Variants in EYS observed in about 807,000 individuals in gnomAD.
EYS encodes EGF-like photoreceptor maintenance factor, also known as protein eyes shut homolog.
Under a neutral mutation model 282.1 loss-of-function variants are expected in EYS, and 250 were observed. That is an observed-to-expected ratio of 0.89 (90% CI 0.80 to 0.98). EYS has a LOEUF of 0.98. Ranked by LOEUF, EYS falls within the 50% of genes least tolerant of loss-of-function variation. The probability of loss-of-function intolerance (pLI) is 0.00; values close to 1 mark genes in which losing one functional copy is unlikely to be tolerated. For synonymous variants in EYS, 1,355 were observed against 1,282.9 expected, an observed-to-expected ratio of 1.06 and a Z score of -1.20; for missense variants, 4,016 against 3,709.0, an observed-to-expected ratio of 1.08 and a Z score of -2.15.
intron 2 of EYS, among the ~76,000 whole-genome samples, chr6:65,622,547 C>A (rs1212016423): frequency 1.3e-5 from 2 of 151,798 alleles, no homozygotes; most frequent in African/African-American, 2.4e-5. Flanking sequence ...AAGATCTATA[C>A]AACAGTTTTA....
chr6:64,151,327 A>G (rs867318911), intron 31 of EYS, among the ~76,000 whole-genome samples: 1,103 of 86,230 alleles, frequency 0.013, 19 homozygotes, highest in Non-Finnish European at 0.019. Context: ...TTATATATAT[A>G]TATATATATA....
intron 12 of EYS, among the ~76,000 whole-genome samples, chr6:65,263,932 A>G (rs1767684878): frequency 6.6e-6 from 1 of 152,100 alleles, no homozygotes; most frequent in Non-Finnish European, 1.5e-5. Context: ...ACAAGGAAGT[A>G]GAAAAAAACA....
rs564336649 is a variant in EYS, at chr6:64,594,973, C to T, written c.3685-1664G>A. On this transcript the variant is annotated intron_variant, in intron 24 of 42. Transcript: ENST00000503581. ...TATGAGGCCAGCATTACCCTGACACCAAAACTAGACAAGAACATAAAAAAA... is the reference window on the plus strand; with the variant it reads ...TATGAGGCCAGCATTACCCTGACACTAAAACTAGACAAGAACATAAAAAAA... Among the ~76,000 whole-genome samples the T allele has an allele frequency of 1.3e-4, 20 of 151,922 alleles. No homozygotes were observed. The South Asian group carries it at 3.5e-3, about 27-fold the overall frequency.
At chr6:64,712,627 C>T (rs1189452679) in intron 22 of EYS, among the ~76,000 whole-genome samples, 2 of 152,188 alleles carry the variant, frequency 1.3e-5, no homozygotes, top group Non-Finnish European at 2.9e-5. Flanking sequence ...GTATATTTGT[C>T]AGAATGTAGC....
intron 26 of EYS, among the ~76,000 whole-genome samples, chr6:64,513,323 CT>C (rs1249820701): frequency 1.3e-5 from 2 of 151,800 alleles, no homozygotes; most frequent in East Asian, 3.9e-4. Context: ...TACTGTTTTT[CT>C]TTTATCAAAA....
chr6:65,614,130 A>G (rs1033330521), intron 2 of EYS, among the ~76,000 whole-genome samples: 1 of 151,992 alleles, frequency 6.6e-6, no homozygotes, highest in Non-Finnish European at 1.5e-5. Context: ...TTAGGTTTAT[A>G]TTATTTCACA....
intron 22 of EYS, among the ~76,000 whole-genome samples, chr6:64,632,996 C>T (rs9363031): frequency 0.6 from 91,252 of 151,964 alleles, 27,563 homozygotes; most frequent in South Asian, 0.68. Context: ...TATAGTCAAA[C>T]TGCATAAAGC....
intron 22 of EYS, among the ~76,000 whole-genome samples, chr6:64,811,486 A>G (rs1214238146): frequency 6.6e-6 from 1 of 151,938 alleles, no homozygotes; most frequent in Non-Finnish European, 1.5e-5. Flanking sequence ...ATATTTATAC[A>G]GGAGCTTGCT....
chr6:64,553,664 A>G (rs1424607545), intron 26 of EYS, among the ~76,000 whole-genome samples: 1 of 151,040 alleles, frequency 6.6e-6, no homozygotes, highest in Non-Finnish European at 1.5e-5. Context: ...AATCATTTCA[A>G]GTATCCTGAG....
chr6:65,618,499 A>T (rs1582526242), intron 2 of EYS, among the ~76,000 whole-genome samples: 2 of 152,270 alleles, frequency 1.3e-5, no homozygotes, highest in East Asian at 3.9e-4. Flanking sequence ...CCTATTTTGT[A>T]GGTTGCTTGT....
chr6:63,868,338 T>TA (rs904189520), intron 35 of EYS, among the ~76,000 whole-genome samples: 10 of 152,078 alleles, frequency 6.6e-5, no homozygotes, highest in Non-Finnish European at 1.0e-4. Context: ...TTTAGCTGAT[T>TA]AAAAAAAATC....
At chr6:64,746,656 A>T (rs1042891715) in intron 22 of EYS, among the ~76,000 whole-genome samples, 2 of 152,196 alleles carry the variant, frequency 1.3e-5, no homozygotes, top group Non-Finnish European at 2.9e-5. Flanking sequence ...TTTCATGTTG[A>T]TACCTCTTAA....
At chr6:64,791,732 AC>A (rs1774199112) in intron 22 of EYS, among the ~76,000 whole-genome samples, 1 of 151,878 alleles carries the variant, frequency 6.6e-6, no homozygotes, top group African/African-American at 2.4e-5. Flanking sequence ...TGATTTAAAT[AC>A]CTGATTCAAT....
At chr6:64,595,002 A>G (rs1237007219) in intron 24 of EYS, among the ~76,000 whole-genome samples, 1 of 152,082 alleles carries the variant, frequency 6.6e-6, no homozygotes, top group African/African-American at 2.4e-5. Context: ...AAAAAAATCC[A>G]CAGGCAACTA....
chr6:64,613,749 C>T (rs1767181863), intron 24 of EYS, among the ~76,000 whole-genome samples: 1 of 152,036 alleles, frequency 6.6e-6, no homozygotes, highest in Non-Finnish European at 1.5e-5. Flanking sequence ...AGGGAATATC[C>T]CACACTGTAA....
At chr6:65,697,638 G>C (rs1222439598) in intron 1 of EYS, among the ~76,000 whole-genome samples, 6 of 151,984 alleles carry the variant, frequency 3.9e-5, no homozygotes, top group Non-Finnish European at 7.4e-5. Context: ...TTCACTTTAT[G>C]AATTCTTACC....
chr6:63,893,926 G>A (rs565063451), intron 35 of EYS, among the ~76,000 whole-genome samples: 1 of 152,036 alleles, frequency 6.6e-6, no homozygotes, highest in Non-Finnish European at 1.5e-5. Flanking sequence ...CCCTTTCCTG[G>A]AGATCTTTAA....
intron 2 of EYS, among the ~76,000 whole-genome samples, chr6:65,621,748 G>A (rs138653084): frequency 1.3e-5 from 2 of 151,612 alleles, no homozygotes; most frequent in Admixed American, 1.3e-4. Flanking sequence ...GGGCAGGCCT[G>A]GTGGTAACAA....
At chr6:64,660,369 G>C (rs1388230110) in intron 22 of EYS, among the ~76,000 whole-genome samples, 1 of 151,858 alleles carries the variant, frequency 6.6e-6, no homozygotes, top group Middle Eastern at 3.4e-3. Flanking sequence ...TCAACATAGT[G>C]TTGGAAGTTC....
Sources: gnomAD v4.1 joint callset for allele counts (sites outside exome capture counted in the v4.1 genomes callset) on GRCh38, gnomAD v4.1.1 for gene constraint, MANE v1.5 for transcripts, NCBI Gene and HGNC (gene_info 2026-07-23, HGNC 2026-07-21) for gene names.